The following COBL variants were observed in gnomAD, a reference collection of about 807,000 sequenced individuals.
The protein encoded by COBL is protein cordon-bleu.
Under a neutral mutation model 98.8 loss-of-function variants are expected in COBL, and 51 were observed. The ratio of observed to expected loss-of-function variants is 0.52; its 90% CI spans 0.41 to 0.65. COBL has a LOEUF of 0.65. Ranked by LOEUF, COBL falls within the 30% of genes least tolerant of loss-of-function variation. COBL has a pLI of 0.00. For synonymous variants in COBL, 634 were observed against 651.7 expected (o/e 0.97, Z 0.41); for missense variants, 1,617 against 1,617.5 (o/e 1.00, Z 0.01).
At chr7:51,115,547 G>T (rs1366003471) in intron 6 of COBL, among the ~76,000 whole-genome samples, 1 of 151,896 alleles carries the variant, frequency 6.6e-6, no homozygotes, top group Non-Finnish European at 1.5e-5. Context: ...AAAGTATGTT[G>T]TTTGCCAAAT....
intron 7 of COBL, among the ~76,000 whole-genome samples, chr7:51,057,180 C>CA (rs1236917852): frequency 6.6e-6 from 1 of 152,182 alleles, no homozygotes; most frequent in East Asian, 1.9e-4. Context: ...TGGCCCAAAG[C>CA]ACAAGAGTAC....
chr7:51,141,423 A>G (rs1020087756), intron 5 of COBL, among the ~76,000 whole-genome samples: 1 of 152,102 alleles, frequency 6.6e-6, no homozygotes, highest in Non-Finnish European at 1.5e-5. Context: ...GGTGAGAAAA[A>G]CTGAGGCCCA....
chr7:51,285,901 T>G (rs1241576137), intron 1 of COBL, among the ~76,000 whole-genome samples: 1 of 152,178 alleles, frequency 6.6e-6, no homozygotes, highest in East Asian at 1.9e-4. Flanking sequence ...TATAAATCAA[T>G]TAAACAAGAC....
At chr7:51,061,587 T>C (rs1791364236) in intron 7 of COBL, among the ~76,000 whole-genome samples, 1 of 152,080 alleles carries the variant, frequency 6.6e-6, no homozygotes, top group African/African-American at 2.4e-5. Flanking sequence ...TTCGGGTACG[T>C]GGTGAAACGT....
At chr7:51,098,855 T>C (rs1227433747) in intron 6 of COBL, among the ~76,000 whole-genome samples, 1 of 152,090 alleles carries the variant, frequency 6.6e-6, no homozygotes, top group Non-Finnish European at 1.5e-5. Flanking sequence ...CTATAAACCA[T>C]ATGTCTGAAA....
At chr7:51,277,900 A>G (rs1164176367) in intron 1 of COBL, among the ~76,000 whole-genome samples, 1 of 152,174 alleles carries the variant, frequency 6.6e-6, no homozygotes, top group African/African-American at 2.4e-5. Context: ...AATATTCCCA[A>G]GCTGCCTCTG....
intron 1 of COBL, among the ~76,000 whole-genome samples, chr7:51,251,809 C>G (rs894753662): frequency 6.6e-6 from 1 of 152,194 alleles, no homozygotes; most frequent in Non-Finnish European, 1.5e-5. Flanking sequence ...ATGAACTACC[C>G]TCAAACTACT....
At chr7:51,172,401 A>G in intron 5 of COBL, 1 of 1,150,032 alleles carries the variant, frequency 8.7e-7, no homozygotes. Flanking sequence ...AGGTCGCGCA[A>G]AGCAAGAAGT....
chr7:51,067,123 G>A (rs767848171), intron 7 of COBL, among the ~76,000 whole-genome samples: 5 of 152,174 alleles, frequency 3.3e-5, no homozygotes, highest in Non-Finnish European at 5.9e-5. Context: ...GTGGGGTGGC[G>A]TGGGGGTGGG....
chr7:51,073,269 GAAC>G, intron 7 of COBL: 2 of 620,124 alleles, frequency 3.2e-6, no homozygotes, highest in Non-Finnish European at 3.0e-6. Context: ...AAAGGAGGAA[GAAC>G]AACAGGAAAA....
intron 7 of COBL, among the ~76,000 whole-genome samples, chr7:51,069,417 T>C (rs1330352476): frequency 6.6e-6 from 1 of 152,276 alleles, no homozygotes; most frequent in Non-Finnish European, 1.5e-5. Flanking sequence ...CTGAAAATAC[T>C]GGATTCTTAG....
chr7:51,217,169 T>C (rs115734665), intron 2 of COBL, among the ~76,000 whole-genome samples: 2 of 152,188 alleles, frequency 1.3e-5, no homozygotes, highest in Non-Finnish European at 1.5e-5. Flanking sequence ...CAAAACTTCA[T>C]GGTGGCAACC....
intron 12 of COBL, among the ~76,000 whole-genome samples, chr7:51,022,207 C>T (rs770665526): frequency 6.6e-5 from 10 of 152,168 alleles, no homozygotes; most frequent in African/African-American, 1.4e-4. Flanking sequence ...ATCTTGTAAA[C>T]GGCTCGGGGC....
At chr7:51,250,276 C>T (rs539061583) in intron 1 of COBL, among the ~76,000 whole-genome samples, 1 of 152,298 alleles carries the variant, frequency 6.6e-6, no homozygotes, top group South Asian at 2.1e-4. Context: ...ACTCATCCTA[C>T]AAGGTGGCCT....
At chr7:51,245,371 G>A (rs112920906) in intron 1 of COBL, among the ~76,000 whole-genome samples, 4 of 152,254 alleles carry the variant, frequency 2.6e-5, no homozygotes, top group African/African-American at 9.6e-5. Context: ...GAAATTAGAA[G>A]TATTTTCTGC....
intron 1 of COBL, among the ~76,000 whole-genome samples, chr7:51,243,932 T>C (rs1232729783): frequency 6.6e-6 from 1 of 152,152 alleles, no homozygotes; most frequent in Non-Finnish European, 1.5e-5. Context: ...ACGGGGAAAC[T>C]GGGGAGGGTA....
intron 2 of COBL, among the ~76,000 whole-genome samples, chr7:51,214,565 C>G (rs1310268220): frequency 6.6e-6 from 1 of 152,068 alleles, no homozygotes; most frequent in African/African-American, 2.4e-5. Context: ...TGGAGGTCAC[C>G]TTACTTCATA....
chr7:51,188,119 C>G (rs1288108412), intron 4 of COBL, among the ~76,000 whole-genome samples: 1 of 152,242 alleles, frequency 6.6e-6, no homozygotes. Context: ...CTGGCCCTCT[C>G]AGGGCCACAG....
At chr7:51,178,228 A>G (rs1788600264) in intron 5 of COBL, among the ~76,000 whole-genome samples, 1 of 152,156 alleles carries the variant, frequency 6.6e-6, no homozygotes, top group African/African-American at 2.4e-5. Flanking sequence ...TGCTAAAGGA[A>G]CAACAATTTT....
Sources: allele counts gnomAD v4.1 joint callset (sites outside exome capture counted in the v4.1 genomes callset), GRCh38; gene constraint gnomAD v4.1.1; transcripts MANE v1.5; gene names NCBI Gene and HGNC (gene_info 2026-07-23, HGNC 2026-07-21).